The following ZSWIM3 variants were observed in gnomAD, a reference collection of about 807,000 sequenced individuals.
The protein encoded by ZSWIM3 is zinc finger SWIM-type containing 3.
In ZSWIM3, 27 loss-of-function variants were observed where a neutral mutation model predicts 47.5. The observed-to-expected ratio is 0.57, with a 90% CI of 0.42 to 0.78. The LOEUF (loss-of-function observed/expected upper bound fraction) is 0.78. ZSWIM3 is among the 30% of genes least tolerant of loss of function. The probability of loss-of-function intolerance (pLI) is 0.00; values close to 1 mark genes in which losing one functional copy is unlikely to be tolerated. For synonymous variants in ZSWIM3, 333 were observed against 333.9 expected, an observed-to-expected ratio of 1.00 and a Z score of 0.03; for missense variants, 689 against 861.3, an observed-to-expected ratio of 0.80 and a Z score of 2.50.
At chr20:45,858,395 T>A (rs1367349493) in intron 1 of ZSWIM3, among the ~76,000 whole-genome samples, 1 of 152,230 alleles carries the variant, frequency 6.6e-6, no homozygotes, top group East Asian at 1.9e-4. Flanking sequence ...AGTTCTTATA[T>A]ATTTGTTGAA....
chr20:45,876,155 G>A (rs1373029503), intron 1 of ZSWIM3, among the ~76,000 whole-genome samples: 1 of 149,732 alleles, frequency 6.7e-6, no homozygotes, highest in Non-Finnish European at 1.5e-5. Context: ...CGATTCTCCT[G>A]CCTCAGCCTC....
chr20:45,876,631 A>C (rs1362423415), intron 1 of ZSWIM3, 83 bp from the exon 2 acceptor site: 1 of 1,517,526 alleles, frequency 6.6e-7, no homozygotes, highest in East Asian at 2.3e-5. Flanking sequence ...GAGCCACTGT[A>C]CCCAGCCCCC....
intron 1 of ZSWIM3, among the ~76,000 whole-genome samples, chr20:45,870,144 C>T (rs1003971271): frequency 6.6e-6 from 1 of 151,466 alleles, no homozygotes; most frequent in African/African-American, 2.4e-5. Flanking sequence ...GAGTTTGAGA[C>T]CAGCCTGACC....
At chr20:45,875,035 C>CTTTTTTTTTTT (rs35356697) in intron 1 of ZSWIM3, among the ~76,000 whole-genome samples, 4 of 90,546 alleles carry the variant, frequency 4.4e-5, no homozygotes, top group Non-Finnish European at 6.1e-5. Flanking sequence ...TTAATTTTAA[C>CTTTTTTTTTTT]TTTTTTTTTT....
chr20:45,871,123 C>T (rs1231214486), intron 1 of ZSWIM3, among the ~76,000 whole-genome samples: 6 of 152,170 alleles, frequency 3.9e-5, no homozygotes, highest in Admixed American at 6.6e-5. Flanking sequence ...GAAGCACAGA[C>T]ATCTTTTGCA....
intron 1 of ZSWIM3, among the ~76,000 whole-genome samples, chr20:45,875,768 G>A (rs1199937957): frequency 2.0e-5 from 3 of 151,134 alleles, no homozygotes; most frequent in Admixed American, 6.6e-5. Flanking sequence ...CCCAAAGTGC[G>A]GGGATTACAG....
At chr20:45,867,348 T>C (rs1270069478) in intron 1 of ZSWIM3, among the ~76,000 whole-genome samples, 1 of 152,158 alleles carries the variant, frequency 6.6e-6, no homozygotes, top group African/African-American at 2.4e-5. Context: ...AGTTGGAGAT[T>C]AGTCAGATGC....
chr20:45,858,599 C>CA (rs941813588), intron 1 of ZSWIM3, among the ~76,000 whole-genome samples: 49 of 152,288 alleles, frequency 3.2e-4, no homozygotes, highest in African/African-American at 1.2e-3. Context: ...AGGCTGTTCC[C>CA]AGACTCCTGG....
In ZSWIM3 at chr20:45,878,786, G is replaced by C; in HGVS notation, c.*137G>C. 1 of 1,150,328 alleles carries C rather than the reference G, an allele frequency of 8.7e-7. No individual in the cohort carries two copies. Among genetic ancestry groups the C allele is most frequent in the Non-Finnish European group, 1.2e-6 (1 of 836,726 alleles). 71.3% of individuals were successfully genotyped at this position (1,150,328 alleles called of 1,614,324 possible). A position where few individuals can be genotyped will look rare whatever the true frequency, so the allele number is the denominator to read the frequency against. Reference sequence around the variant, plus strand: ...GGGCTAGGAATATTGTTACAGTAGAGAGGAAGGGAACTCCACTGTGTGACA... The same window carrying C: ...GGGCTAGGAATATTGTTACAGTAGACAGGAAGGGAACTCCACTGTGTGACA... On this transcript the variant is annotated 3_prime_UTR_variant, in exon 2 of 2. Coordinates refer to ENST00000255152, the MANE Select transcript of ZSWIM3 (RefSeq NM_080752.4).
chr20:45,876,774 G>C lies in ZSWIM3; in HGVS notation c.216G>C (p.Glu72Asp). 6.2e-7 allele frequency: 1 copy of C among 1,614,142 alleles called. No individual in the cohort carries two copies. Among genetic ancestry groups the C allele is most frequent in the Non-Finnish European group, 8.5e-7 (1 of 1,180,020 alleles). The change falls in exon 2 of 2, where the codon GAG (glutamate) becomes GAC (aspartate). Residue 72 changes from glutamate to aspartate, a missense_variant. Physicochemically the swap from Glu to Asp is conservative, Grantham distance 45 (BLOSUM62 2). Coordinates refer to ENST00000255152, the MANE Select transcript of ZSWIM3 (RefSeq NM_080752.4). ...AATCAAACAGGAAGAGAACGCGGGA[G>C]GCAGACATGTGCCCAGCGTACTTGC... ...RTQSNRKRTR[E>D]ADMCPAYLLL...
At chr20:45,872,882 C>T in intron 1 of ZSWIM3, 1 of 1,206,014 alleles carries the variant, frequency 8.3e-7, no homozygotes, top group Non-Finnish European at 1.1e-6. Flanking sequence ...ACTCACACAT[C>T]CTGTTTTCCC....
intron 1 of ZSWIM3, among the ~76,000 whole-genome samples, chr20:45,864,988 G>T (rs1342282195): frequency 6.6e-6 from 1 of 152,108 alleles, no homozygotes; most frequent in Non-Finnish European, 1.5e-5. Flanking sequence ...GGCTAACACG[G>T]AGAAACCCTG....
At chr20:45,862,387 C>G (rs902649828) in intron 1 of ZSWIM3, among the ~76,000 whole-genome samples, 11 of 151,830 alleles carry the variant, frequency 7.2e-5, no homozygotes, top group Non-Finnish European at 1.3e-4. Flanking sequence ...ACCCGGTGAT[C>G]CACCCGCCTC....
Position 45,873,412 on chromosome 20 carries a change from G to A in ZSWIM3, c.156-3302G>A, listed in dbSNP as rs1568748285. ...GTGAAACGCCATCTCAAAAAAAAAAGCATCTGCTGAAGGCACAGTATTGTG... is the reference window on the plus strand; with the variant it reads ...GTGAAACGCCATCTCAAAAAAAAAAACATCTGCTGAAGGCACAGTATTGTG... On this transcript the variant is annotated intron_variant, in intron 1 of 1. Coordinates refer to ENST00000255152, the MANE Select transcript of ZSWIM3 (RefSeq NM_080752.4). Among the ~76,000 whole-genome samples the A allele has an allele frequency of 1.3e-5, 2 of 151,662 alleles. 1 individual carries two copies. The highest frequency in any genetic ancestry group is 1.3e-4 in the Admixed American group (2 of 15,202).
intron 1 of ZSWIM3, among the ~76,000 whole-genome samples, chr20:45,867,596 G>T (rs977247320): frequency 6.6e-5 from 10 of 152,084 alleles, no homozygotes; most frequent in African/African-American, 2.4e-4. Context: ...CTTAAATTCC[G>T]GCTATGTGGC....
chr20:45,872,874 T>C, intron 1 of ZSWIM3: 1 of 1,215,372 alleles, frequency 8.2e-7, no homozygotes, highest in South Asian at 1.4e-5. Context: ...ACTGTGAGAC[T>C]CACACATCCT....
At position 45,876,838 on chromosome 20, in the gene ZSWIM3, A is replaced by G; in HGVS notation, c.280A>G (p.Ser94Gly). 10 of 1,614,198 alleles carry G rather than the reference A, an allele frequency of 6.2e-6. No homozygotes were observed. The highest frequency in any genetic ancestry group is 8.5e-6 in the Non-Finnish European group (10 of 1,180,026). The change falls in exon 2 of 2, where the codon AGT becomes GGT. Residue 94 changes from serine to glycine, a missense_variant. Physicochemically the swap from Ser to Gly is moderately conservative, Grantham distance 56. Transcript: ENST00000255152. Reference sequence around the variant, plus strand: ...CGAGAGACTAGATAGACTATTTATCAGTGAACTAAACACACAGCACATACA... The same window carrying G: ...CGAGAGACTAGATAGACTATTTATCGGTGAACTAAACACACAGCACATACA... ...YNERLDRLFI[S>G]ELNTQHIHGD...
intron 1 of ZSWIM3, chr20:45,872,793 G>T (rs1171653642): frequency 1.1e-5 from 14 of 1,289,402 alleles, no homozygotes; most frequent in Non-Finnish European, 1.4e-5. Flanking sequence ...CAGAGCTAGA[G>T]ATGGCACCAC....
chr20:45,877,714 C>T lies in ZSWIM3; in HGVS notation c.1156C>T (p.Leu386Phe), dbSNP rs2145794027. ...GTACATGCATGTTAGGAAGGGCCTG[C>T]TTGCGTGTAACACCTACATGGACAG... ...LWYMHVRKGL[L>F]ACNTYMDSLD... Residue 386 changes from leucine (L) to phenylalanine (F), a missense_variant, in exon 2 of 2, where the codon CTT becomes TTT. Physicochemically the swap from Leu to Phe is conservative, Grantham distance 22 (BLOSUM62 0). Transcript: ENST00000255152. 1 of 1,614,000 alleles carries T rather than the reference C, an allele frequency of 6.2e-7. No homozygotes were observed. The highest frequency in any genetic ancestry group is 1.3e-5 in the African/African-American group (1 of 75,046).
Sources: gnomAD v4.1 joint callset for allele counts (sites outside exome capture counted in the v4.1 genomes callset) on GRCh38, gnomAD v4.1.1 for gene constraint, MANE v1.5 for transcripts, NCBI Gene and HGNC (gene_info 2026-07-23, HGNC 2026-07-21) for gene names.